The following CAMTA1 variants were observed in gnomAD, a reference collection of about 807,000 sequenced individuals.
CAMTA1 encodes the protein calmodulin-binding transcription activator 1.
CAMTA1 carries 27 observed loss-of-function variants against 170.9 expected under a neutral mutation model. That is an observed-to-expected ratio of 0.16 (90% CI 0.12 to 0.22). The LOEUF (loss-of-function observed/expected upper bound fraction) is 0.22, where lower values mean the gene tolerates loss of function less well. Ranked by LOEUF, CAMTA1 falls within the 10% of genes least tolerant of loss-of-function variation. The pLI, the probability that CAMTA1 is intolerant of heterozygous loss-of-function variation, is 1.00. For missense variants in CAMTA1, 1,619 were observed against 2,217.2 expected, an observed-to-expected ratio of 0.73 and a Z score of 5.42; for synonymous variants, 833 against 891.5, an observed-to-expected ratio of 0.93 and a Z score of 1.17.
intron 5 of CAMTA1, among the ~76,000 whole-genome samples, chr1:7,378,082 A>G (rs1205043886): frequency 3.3e-5 from 5 of 152,216 alleles, no homozygotes; most frequent in Non-Finnish European, 7.3e-5. Context: ...GGCCTTTTAC[A>G]GAACAAGTTC....
intron 5 of CAMTA1, among the ~76,000 whole-genome samples, chr1:7,266,302 G>A (rs1668919587): frequency 6.6e-6 from 1 of 152,204 alleles, no homozygotes; most frequent in Non-Finnish European, 1.5e-5. Flanking sequence ...TTCAGAGTGT[G>A]ATCTGATACT....
chr1:7,349,274 C>T (rs997065518), intron 5 of CAMTA1, among the ~76,000 whole-genome samples: 3 of 152,308 alleles, frequency 2.0e-5, no homozygotes, highest in Non-Finnish European at 2.9e-5. Context: ...GAGACTTGTA[C>T]GATATCCCAG....
chr1:7,432,439 G>A (rs1045666946), intron 5 of CAMTA1, among the ~76,000 whole-genome samples: 2 of 152,224 alleles, frequency 1.3e-5, no homozygotes, highest in Non-Finnish European at 2.9e-5. Context: ...GGGAATGGGA[G>A]GAGCATGTTC....
chr1:7,372,718 G>C (rs1070913), intron 5 of CAMTA1, among the ~76,000 whole-genome samples: 98,797 of 152,144 alleles, frequency 0.65, 33,379 homozygotes, highest in Middle Eastern at 0.76. Flanking sequence ...AGCAGCCTTG[G>C]AGCCCCATGT....
At chr1:6,897,933 G>C (rs1003683621) in intron 3 of CAMTA1, among the ~76,000 whole-genome samples, 1 of 152,172 alleles carries the variant, frequency 6.6e-6, no homozygotes, top group African/African-American at 2.4e-5. Flanking sequence ...TCATGGCTAA[G>C]ATATTTGCAG....
intron 3 of CAMTA1, among the ~76,000 whole-genome samples, chr1:6,833,076 T>G (rs1651122782): frequency 6.6e-6 from 1 of 152,184 alleles, no homozygotes; most frequent in Non-Finnish European, 1.5e-5. Context: ...TGGGGCGGAA[T>G]GTCCTCCCAC....
intron 6 of CAMTA1, among the ~76,000 whole-genome samples, chr1:7,481,571 A>G (rs1433485452): frequency 6.6e-6 from 1 of 152,170 alleles, no homozygotes; most frequent in Non-Finnish European, 1.5e-5. Context: ...CCAGCATTTT[A>G]TGATGAAATG....
At chr1:7,502,469 G>GT (rs2094022493) in intron 6 of CAMTA1, among the ~76,000 whole-genome samples, 1 of 152,232 alleles carries the variant, frequency 6.6e-6, no homozygotes, top group South Asian at 2.1e-4. Flanking sequence ...CCAAGTGTTT[G>GT]TTTGGTCCCT....
chr1:7,574,018 T>C (rs1482620517), intron 6 of CAMTA1, among the ~76,000 whole-genome samples: 1 of 152,116 alleles, frequency 6.6e-6, no homozygotes, highest in Admixed American at 6.5e-5. Flanking sequence ...AGGTGATCCA[T>C]CTGCCTCAGC....
chr1:6,842,635 A>G (rs970670895), intron 3 of CAMTA1, among the ~76,000 whole-genome samples: 4 of 152,202 alleles, frequency 2.6e-5, no homozygotes, highest in Non-Finnish European at 5.9e-5. Context: ...AAAGTAAGCA[A>G]AAGGGCCAGG....
chr1:7,752,358 C>A, intron 20 of CAMTA1, 101 bp from the exon 21 acceptor site: 1 of 975,530 alleles, frequency 1.0e-6, no homozygotes, highest in Non-Finnish European at 1.6e-6. Flanking sequence ...GGCTTTGCTA[C>A]ACGAACTGCT....
At chr1:7,517,390 A>G (rs986695849) in intron 6 of CAMTA1, among the ~76,000 whole-genome samples, 3 of 152,148 alleles carry the variant, frequency 2.0e-5, no homozygotes, top group Non-Finnish European at 4.4e-5. Flanking sequence ...ATTTCCCTAA[A>G]GCTGTTCCCC....
intron 11 of CAMTA1, among the ~76,000 whole-genome samples, chr1:7,686,954 A>G (rs1282154351): frequency 1.3e-5 from 2 of 151,912 alleles, no homozygotes; most frequent in African/African-American, 2.4e-5. Flanking sequence ...GAAGCAGCAA[A>G]CCCAAGGGGA....
At chr1:7,330,459 C>T (rs1023182970) in intron 5 of CAMTA1, among the ~76,000 whole-genome samples, 1 of 152,132 alleles carries the variant, frequency 6.6e-6, no homozygotes, top group Non-Finnish European at 1.5e-5. Context: ...ATGGAGTGTA[C>T]GCCCCCTTCT....
At chr1:7,368,118 T>C (rs188803662) in intron 5 of CAMTA1, among the ~76,000 whole-genome samples, 457 of 149,128 alleles carry the variant, frequency 3.1e-3, no homozygotes, top group Non-Finnish European at 4.8e-3. Context: ...CACTTATGGT[T>C]TCATTGGGTG....
At chr1:7,427,272 T>C (rs1463339487) in intron 5 of CAMTA1, among the ~76,000 whole-genome samples, 1 of 152,236 alleles carries the variant, frequency 6.6e-6, no homozygotes, top group Non-Finnish European at 1.5e-5. Context: ...TTGTACATTG[T>C]GAATTCCAGC....
At chr1:7,121,926 C>T (rs1318016054) in intron 4 of CAMTA1, among the ~76,000 whole-genome samples, 1 of 151,996 alleles carries the variant, frequency 6.6e-6, no homozygotes, top group Non-Finnish European at 1.5e-5. Flanking sequence ...GCCTTTGACC[C>T]TCTTCCTCTC....
chr1:7,476,960 G>C (rs1437334751), intron 6 of CAMTA1, among the ~76,000 whole-genome samples: 2 of 152,214 alleles, frequency 1.3e-5, no homozygotes, highest in Non-Finnish European at 2.9e-5. Flanking sequence ...GCCATGCAGA[G>C]GGAAGGCTGG....
intron 3 of CAMTA1, among the ~76,000 whole-genome samples, chr1:6,855,087 A>G (rs534153449): frequency 2.6e-5 from 4 of 152,312 alleles, no homozygotes; most frequent in African/African-American, 7.2e-5. Flanking sequence ...ACATGATTGT[A>G]TATGTAGAAA....
Sources: allele counts gnomAD v4.1 joint callset (sites outside exome capture counted in the v4.1 genomes callset), GRCh38; gene constraint gnomAD v4.1.1; transcripts MANE v1.5; gene names NCBI Gene and HGNC (gene_info 2026-07-23, HGNC 2026-07-21).